The following CEP63 variants were observed in gnomAD, a reference collection of about 807,000 sequenced individuals.
CEP63 encodes centrosomal protein 63.
A neutral mutation model predicts 89.1 loss-of-function variants in CEP63; 84 were observed. That is an observed-to-expected ratio of 0.94 (90% CI 0.79 to 1.13). The LOEUF (loss-of-function observed/expected upper bound fraction) is 1.13, where lower values mean the gene tolerates loss of function less well. Ranked by LOEUF, CEP63 falls within the 50% of genes most tolerant of loss-of-function variation. The pLI, the probability that CEP63 is intolerant of heterozygous loss-of-function variation, is 0.00. For missense variants in CEP63, 838 were observed against 813.3 expected, an observed-to-expected ratio of 1.03 and a Z score of -0.37; for synonymous variants, 267 against 272.5, an observed-to-expected ratio of 0.98 and a Z score of 0.20.
the CEP63 span, among the ~76,000 whole-genome samples, chr3:134,696,543 G>C: frequency 6.6e-6 from 1 of 152,156 alleles, no homozygotes; most frequent in Non-Finnish European, 1.5e-5. Flanking sequence ...GTGTGAATTA[G>C]AAGTAGTATA....
the CEP63 span, among the ~76,000 whole-genome samples, chr3:134,735,341 T>G: frequency 6.6e-6 from 1 of 152,188 alleles, no homozygotes; most frequent in Non-Finnish European, 1.5e-5. Context: ...GCCAACAACC[T>G]ACAACTCATG....
At chr3:134,487,139 A>C (rs898492006) in intron 1 of CEP63, among the ~76,000 whole-genome samples, 19 of 152,372 alleles carry the variant, frequency 1.2e-4, no homozygotes, top group African/African-American at 4.3e-4. Context: ...GTATTTATAC[A>C]GTTCCTCAAG....
the CEP63 span, among the ~76,000 whole-genome samples, chr3:134,709,843 G>C: frequency 6.6e-6 from 1 of 152,320 alleles, no homozygotes; most frequent in South Asian, 2.1e-4. Context: ...GATATTTAGA[G>C]TGCACCCGGC....
chr3:134,665,652 G>GACACACAC, the CEP63 span, among the ~76,000 whole-genome samples: 114 of 95,818 alleles, frequency 1.2e-3, no homozygotes, highest in Middle Eastern at 5.8e-3. Context: ...GGAAACAGAG[G>GACACACAC]ACACACACAC....
chr3:134,739,279 A>G, the CEP63 span, among the ~76,000 whole-genome samples: 5 of 152,246 alleles, frequency 3.3e-5, 1 homozygote, highest in South Asian at 1.0e-3. Flanking sequence ...TGTGATATCT[A>G]TAGAAAAAAG....
At chr3:134,670,229 C>T in the CEP63 span, among the ~76,000 whole-genome samples, 1 of 152,152 alleles carries the variant, frequency 6.6e-6, no homozygotes, top group African/African-American at 2.4e-5. Context: ...GCTCTCTGAG[C>T]TATTTTCACA....
At chr3:134,491,710 A>G (rs1433635855) in intron 1 of CEP63, among the ~76,000 whole-genome samples, 1 of 152,214 alleles carries the variant, frequency 6.6e-6, no homozygotes, top group Non-Finnish European at 1.5e-5. Flanking sequence ...CTGATTGTTC[A>G]TCGGAACAGC....
the CEP63 span, among the ~76,000 whole-genome samples, chr3:134,768,686 T>A: frequency 6.6e-6 from 1 of 152,190 alleles, no homozygotes; most frequent in African/African-American, 2.4e-5. Flanking sequence ...CAGGCTGGTG[T>A]GGTAGGCAGA....
At chr3:134,670,280 C>A in the CEP63 span, among the ~76,000 whole-genome samples, 7 of 152,326 alleles carry the variant, frequency 4.6e-5, no homozygotes, top group Admixed American at 1.3e-4. Flanking sequence ...TGAACACACT[C>A]TTCCCCAAAC....
chr3:134,524,341 T>C (rs1020053905), intron 3 of CEP63, among the ~76,000 whole-genome samples: 4 of 152,184 alleles, frequency 2.6e-5, no homozygotes, highest in African/African-American at 9.6e-5. Flanking sequence ...ACAGGAATAG[T>C]TTGACTTCCT....
At chr3:134,536,275 T>C (rs1950763363) in intron 5 of CEP63, 1 of 152,326 alleles carries the variant, frequency 6.6e-6, no homozygotes, top group Admixed American at 6.5e-5. Context: ...TTTGTTTTGT[T>C]AAGTATTGTA....
At chr3:134,705,566 T>C in the CEP63 span, among the ~76,000 whole-genome samples, 1 of 152,186 alleles carries the variant, frequency 6.6e-6, no homozygotes, top group African/African-American at 2.4e-5. Flanking sequence ...CCATAGTAGA[T>C]CCACTGTGAG....
the CEP63 span, among the ~76,000 whole-genome samples, chr3:134,777,196 A>G: frequency 6.6e-6 from 1 of 152,244 alleles, no homozygotes; most frequent in East Asian, 1.9e-4. Flanking sequence ...GGATTTTACC[A>G]TTAATAAAGG....
Position 134,558,327 on chromosome 3 carries a change from G to A in CEP63, c.1653G>A (p.Glu551=), listed in dbSNP as rs898215285. The A allele has an allele frequency of 1.2e-6, 2 of 1,612,408 alleles. No individual in the cohort carries two copies. Among genetic ancestry groups the A allele is most frequent in the Non-Finnish European group, 1.7e-6 (2 of 1,179,258 alleles). ...IFKPTHSRTT[E]FKNTEFKPTH... ...AACCAACACACAGCAGAACAACTGA[G>A]TTCAAGAATACAGAGTTCAAGTAAA... Residue 551 remains glutamate (E), a synonymous_variant, in exon 13 of 15, where the codon GAG becomes GAA. Transcript: ENST00000675561.
chr3:134,680,383 G>A, the CEP63 span, among the ~76,000 whole-genome samples: 1 of 152,186 alleles, frequency 6.6e-6, no homozygotes. Context: ...TGGGGAAAGG[G>A]GCCTGTAACT....
chr3:134,603,371 C>CT, the CEP63 span: 1 of 501,102 alleles, frequency 2.0e-6, no homozygotes. Context: ...GCCACTGCCT[C>CT]TGCCCCCTCA....
At chr3:134,722,505 T>G in the CEP63 span, among the ~76,000 whole-genome samples, 3 of 152,154 alleles carry the variant, frequency 2.0e-5, no homozygotes, top group Admixed American at 6.5e-5. Flanking sequence ...AAGAGCCAGC[T>G]TTGGTTTTGT....
chr3:134,557,796 A>T (rs959675163), intron 12 of CEP63, among the ~76,000 whole-genome samples: 1 of 152,082 alleles, frequency 6.6e-6, no homozygotes, highest in Non-Finnish European at 1.5e-5. Flanking sequence ...TTCTGGGGCT[A>T]TTCAACCTTC....
chr3:134,736,249 T>C, the CEP63 span, among the ~76,000 whole-genome samples: 1 of 152,132 alleles, frequency 6.6e-6, no homozygotes, highest in Admixed American at 6.5e-5. Flanking sequence ...GGAAGCATCA[T>C]GAAATTTGGT....
Sources: gnomAD v4.1 joint callset for allele counts (sites outside exome capture counted in the v4.1 genomes callset) on GRCh38, gnomAD v4.1.1 for gene constraint, MANE v1.5 for transcripts, NCBI Gene and HGNC (gene_info 2026-07-23, HGNC 2026-07-21) for gene names.